DMD: variants seen among roughly 807,000 people sequenced by gnomAD.
The protein encoded by DMD is mutant dystrophin.
Under a neutral mutation model 330.1 loss-of-function variants are expected in DMD, and 63 were observed. The ratio of observed to expected loss-of-function variants is 0.19; its 90% CI spans 0.16 to 0.24. The LOEUF (loss-of-function observed/expected upper bound fraction) is 0.24, where lower values mean the gene tolerates loss of function less well. Ranked by LOEUF, DMD falls within the 10% of genes least tolerant of loss-of-function variation. DMD has a pLI of 1.00. For missense variants in DMD, 3,344 were observed against 2,684.1 expected (o/e 1.25, Z -5.43); for synonymous variants, 1,223 against 959.8 (o/e 1.27, Z -5.07).
chrX:32,067,312 C>T (rs1328176238), intron 44 of DMD, among the ~76,000 whole-genome samples: 1 of 111,131 alleles, frequency 9.0e-6, no homozygotes, highest in Non-Finnish European at 1.9e-5. Flanking sequence ...ATGTATAATA[C>T]ATTAGATACT....
intron 9 of DMD, among the ~76,000 whole-genome samples, chrX:32,684,014 T>TAC (rs1296784939): frequency 1.5e-4 from 10 of 64,634 alleles, no homozygotes; most frequent in African/African-American, 1.3e-3. Flanking sequence ...CACACACACA[T>TAC]ACATACACAC....
intron 63 of DMD, among the ~76,000 whole-genome samples, chrX:31,225,153 AAG>A (rs2046454507): frequency 8.9e-6 from 1 of 112,700 alleles, no homozygotes; most frequent in Non-Finnish European, 1.9e-5. Flanking sequence ...GGTAAATTTT[AAG>A]AGTCTTTAAA....
intron 60 of DMD, among the ~76,000 whole-genome samples, chrX:31,375,922 T>G (rs911866832): frequency 3.6e-5 from 4 of 112,153 alleles, no homozygotes; most frequent in Admixed American, 1.9e-4. Flanking sequence ...TCCATTTAAT[T>G]GATTTTACCC....
chrX:32,650,167 T>A (rs1266029146), intron 9 of DMD, among the ~76,000 whole-genome samples: 1 of 111,870 alleles, frequency 8.9e-6, no homozygotes, highest in Admixed American at 9.5e-5. Flanking sequence ...TGGGACACTA[T>A]GAGAGGGCAC....
At chrX:32,996,106 T>G (rs1224100337) in intron 2 of DMD, among the ~76,000 whole-genome samples, 3 of 112,080 alleles carry the variant, frequency 2.7e-5, no homozygotes, top group Non-Finnish European at 3.8e-5. Context: ...GACTCAGTCC[T>G]ACAGAGTAGC....
intron 1 of DMD, among the ~76,000 whole-genome samples, chrX:33,025,744 A>G (rs1316032659): frequency 9.0e-6 from 1 of 110,767 alleles, no homozygotes; most frequent in Non-Finnish European, 1.9e-5. Flanking sequence ...TCTTTTGTAA[A>G]GATGGGGTCT....
At chrX:31,974,833 G>A (rs1404735917) in intron 44 of DMD, among the ~76,000 whole-genome samples, 1 of 110,018 alleles carries the variant, frequency 9.1e-6, no homozygotes, top group African/African-American at 3.3e-5. Flanking sequence ...ATTTTAATGG[G>A]ACATTTACCT....
At position 31,465,380 on chromosome X, in the gene DMD, G is replaced by A. The variant is rs958610380; in HGVS notation, c.8937+12726C>T. ...AACCTCCCACCCCTCGACAGGCCCC[G>A]GTGTGTGATGTTCCCGTCCCTGTGT... On this transcript the variant is annotated intron_variant, in intron 59 of 78. Coordinates refer to ENST00000357033, the MANE Select transcript of DMD (RefSeq NM_004006.3). 5.5e-5 allele frequency among the ~76,000 whole-genome samples: 6 copies of A among 110,017 alleles called. No homozygotes were observed. In the East Asian group the frequency reaches 8.5e-4, roughly 16 times the overall value.
At chrX:32,726,650 A>T (rs1011147210) in intron 7 of DMD, among the ~76,000 whole-genome samples, 49 of 111,210 alleles carry the variant, frequency 4.4e-4, no homozygotes, top group African/African-American at 1.5e-3. Context: ...TATTGGAAAG[A>T]GCAGTTATAA....
At chrX:32,570,995 A>C (rs938979740) in intron 15 of DMD, among the ~76,000 whole-genome samples, 1 of 111,761 alleles carries the variant, frequency 8.9e-6, no homozygotes, top group Non-Finnish European at 1.9e-5. Flanking sequence ...AAATATCCTC[A>C]TCTCAGATGC....
intron 60 of DMD, among the ~76,000 whole-genome samples, chrX:31,383,799 G>A (rs2060304114): frequency 9.0e-6 from 1 of 111,675 alleles, no homozygotes; most frequent in Admixed American, 9.4e-5. Context: ...GTCTGATTGC[G>A]GACAGCTGGA....
intron 2 of DMD, among the ~76,000 whole-genome samples, chrX:32,920,468 A>C (rs2088283491): frequency 9.1e-6 from 1 of 109,549 alleles, no homozygotes. Flanking sequence ...GAGAGTCTAC[A>C]TTCTCCTCCC....
chrX:31,619,398 T>TTC (rs112712576), intron 55 of DMD, among the ~76,000 whole-genome samples: 51,823 of 110,246 alleles, frequency 0.47, 9,238 homozygotes, highest in African/African-American at 0.58. Context: ...TTAGTTATTA[T>TTC]TCTTTATTAA....
chrX:32,600,504 G>GTT lies in DMD; in HGVS notation c.1483-4630_1483-4629dup, dbSNP rs66908307. Among the ~76,000 whole-genome samples, 1,753 of 94,227 alleles carry GTT rather than the reference G, an allele frequency of 0.019. 63 individuals are homozygous for GTT. The East Asian group carries it at 0.2, about 11-fold the overall frequency. 81.8% of individuals were successfully genotyped at this position (94,227 alleles called of 115,157 possible). On this transcript the variant is annotated intron_variant, in intron 12 of 78. Transcript: ENST00000357033. ...AGAACAGCTGTTACCTATATGTAAA[G>GTT]TTTTTTTTTTTTTTAACTACTCCTC... is the stretch of plus-strand genomic sequence containing the variant.
chrX:31,803,691 T>C (rs1198797699), intron 50 of DMD, among the ~76,000 whole-genome samples: 5 of 91,744 alleles, frequency 5.4e-5, no homozygotes, highest in African/African-American at 2.0e-4. Context: ...TCTCTCTCTC[T>C]CTCTCTCTCT....
chrX:31,132,239 T>C (rs1244551571), intron 77 of DMD, among the ~76,000 whole-genome samples: 4 of 112,315 alleles, frequency 3.6e-5, no homozygotes, highest in African/African-American at 1.3e-4. Flanking sequence ...ACATCAGAGA[T>C]ACTGACTGCT....
At chrX:32,660,657 C>T (rs771078095) in intron 9 of DMD, among the ~76,000 whole-genome samples, 1 of 111,146 alleles carries the variant, frequency 9.0e-6, no homozygotes, top group Non-Finnish European at 1.9e-5. Flanking sequence ...GAAGCTTCTC[C>T]TTCAAAGATT....
chrX:32,871,518 T>C (rs1351844389), intron 2 of DMD, among the ~76,000 whole-genome samples: 1 of 111,505 alleles, frequency 9.0e-6, no homozygotes, highest in Non-Finnish European at 1.9e-5. Flanking sequence ...AAATAATGTG[T>C]TTCTCAGTAA....
chrX:32,586,759 G>C (rs1055574832), intron 13 of DMD, among the ~76,000 whole-genome samples: 1 of 110,979 alleles, frequency 9.0e-6, no homozygotes, highest in African/African-American at 3.3e-5. Flanking sequence ...CTGAATACCA[G>C]TGTCAGCCTT....
Sources: gnomAD v4.1 joint callset for allele counts (sites outside exome capture counted in the v4.1 genomes callset) on GRCh38, gnomAD v4.1.1 for gene constraint, MANE v1.5 for transcripts, NCBI Gene and HGNC (gene_info 2026-07-23, HGNC 2026-07-21) for gene names.